The following ARHGAP27 variants were observed in gnomAD, a reference collection of about 807,000 sequenced individuals.
ARHGAP27 encodes the protein rho GTPase-activating protein 27.
ARHGAP27 carries 53 observed loss-of-function variants against 102.0 expected under a neutral mutation model. The observed-to-expected ratio is 0.52, with a 90% CI of 0.42 to 0.65. The LOEUF is 0.65. Ranked by LOEUF, ARHGAP27 falls within the 30% of genes least tolerant of loss-of-function variation. The pLI is 0.00. For synonymous variants in ARHGAP27, 525 were observed against 542.8 expected (o/e 0.97, Z 0.46); for missense variants, 1,117 against 1,256.2 (o/e 0.89, Z 1.68).
At position 45,427,472 on chromosome 17, in the gene ARHGAP27, G is replaced by A. The variant is rs926615219; in HGVS notation, c.657+2151C>T. 1.3e-5 allele frequency among the ~76,000 whole-genome samples: 2 copies of A among 152,354 alleles called. No individual in the cohort carries two copies. Among genetic ancestry groups the A allele is most frequent in the African/African-American group, 4.8e-5 (2 of 41,590 alleles). Reference sequence around the variant, plus strand: ...CTCACCAGGGCTTGGCAGGTATTCAGCTAGTTGATGCCTAATGAAGGAGTG... The same window carrying A: ...CTCACCAGGGCTTGGCAGGTATTCAACTAGTTGATGCCTAATGAAGGAGTG... On this transcript the variant is annotated intron_variant, in intron 4 of 19. Coordinates refer to ENST00000685559, the MANE Select transcript of ARHGAP27 (RefSeq NM_001282290.2). This position sits in a 1 kb window ranked among gnomAD's most constrained non-coding sequence, Gnocchi z 4.5.
chr17:45,406,743 T>C lies in ARHGAP27; in HGVS notation c.658-660A>G, dbSNP rs374028250. On this transcript the variant is annotated intron_variant, in intron 4 of 19. Transcript: ENST00000685559. ...ATCTTGGCTCACTGCAACCACCACC[T>C]CCTGGATTCAAGCTGCATTCTTACA... Among the ~76,000 whole-genome samples the C allele has an allele frequency of 1.7e-3, 265 of 152,098 alleles. 1 individual carries two copies. The highest frequency in any genetic ancestry group is 4.6e-3 in the South Asian group (22 of 4,806).
In ARHGAP27 at chr17:45,403,713, GGTGGGGGTGGGGAA is replaced by G. The variant is rs758478075; in HGVS notation, c.1548-18_1548-5del. On this transcript the variant is annotated splice_region_variant and splice_polypyrimidine_tract_variant and intron_variant, in intron 10 of 19. Transcript: ENST00000685559. ...GGAGGCACTCCAGTGCTTCTTCCTA[GGTGGGGGTGGGGAA>G]GTGGGGGTGGCAGGACTTAGATTTG... 63 of 1,609,836 alleles carry G rather than the reference GGTGGGGGTGGGGAA, an allele frequency of 3.9e-5. No homozygotes were observed. The highest frequency in any genetic ancestry group is 1.7e-4 in the Middle Eastern group (1 of 5,894).
intron 11 of ARHGAP27, among the ~76,000 whole-genome samples, chr17:45,403,401 A>C (rs907644676): frequency 3.9e-5 from 6 of 152,116 alleles, no homozygotes; most frequent in African/African-American, 1.4e-4. Flanking sequence ...CTCTACTAAA[A>C]ACACAAAAAT....
At position 45,406,001 on chromosome 17, in the gene ARHGAP27, A is replaced by AG. The variant is rs1450027258; in HGVS notation, c.739dup (p.Leu247ProfsTer34). The AG allele has an allele frequency of 2.0e-6, 3 of 1,535,156 alleles. No homozygotes were observed. The highest frequency in any genetic ancestry group is 2.6e-6 in the Non-Finnish European group (3 of 1,146,504). On this transcript the variant is annotated frameshift_variant, in exon 5 of 20. Transcript: ENST00000685559. LOFTEE classifies it high-confidence loss of function. ...GTGCGTCTCCCACACCGGGCTGGGA[A>AG]GGGGGGCTGCAGCGGCGCCCGGTGA... is the stretch of plus-strand genomic sequence containing the variant.
At position 45,395,798 on chromosome 17, in the gene ARHGAP27, G is replaced by A. The variant is rs1356214202; in HGVS notation, c.2438C>T (p.Ser813Leu). The change falls in exon 19 of 20, where the codon TCG becomes TTG. Residue 813 changes from serine to leucine, a missense_variant. Around this residue, in one of 3 missense-constraint regions of ARHGAP27, gnomAD observed 493 missense variants for 505.5 expected, o/e 0.98. Coordinates refer to ENST00000685559, the MANE Select transcript of ARHGAP27 (RefSeq NM_001282290.2). Reference protein sequence around the residue: ...RSRCVRDLVRSLPAPNHDTLR... With the variant: ...RSRCVRDLVRLLPAPNHDTLR... ...AGTGTCGTGGTTGGGAGCGGGCAGC[G>A]AGCGCACCAAGTCACGCACACAGCG... 6 of 1,606,194 alleles carry A rather than the reference G, an allele frequency of 3.7e-6. No individual in the cohort carries two copies. The highest frequency in any genetic ancestry group is 1.3e-5 in the African/African-American group (1 of 74,808).
chr17:45,405,493 C>T (rs1050346837), intron 5 of ARHGAP27, among the ~76,000 whole-genome samples, 183 bp downstream of exon 5: 3 of 151,870 alleles, frequency 2.0e-5, no homozygotes, highest in Non-Finnish European at 4.4e-5. Flanking sequence ...CCCACTCCAG[C>T]CCCGCCCTTC....
chr17:45,429,590 C>A (rs749491821), intron 4 of ARHGAP27, 33 bp downstream of exon 4: 2 of 1,575,028 alleles, frequency 1.3e-6, no homozygotes. Context: ...TAGCGCGCCA[C>A]CCGCCTCCGC....
chr17:45,416,030 T>TTG (rs1407435509), intron 4 of ARHGAP27, among the ~76,000 whole-genome samples: 2 of 146,828 alleles, frequency 1.4e-5, no homozygotes, highest in South Asian at 2.1e-4. Flanking sequence ...GCTGAAGTTT[T>TTG]TGTTTTTTTT....
chr17:45,423,366 T>C (rs2049233253), intron 4 of ARHGAP27, among the ~76,000 whole-genome samples: 1 of 148,750 alleles, frequency 6.7e-6, no homozygotes, highest in Non-Finnish European at 1.5e-5. Context: ...AGAAGGTGAG[T>C]AGAAACTTAA....
rs989205756 is a variant in ARHGAP27, at chr17:45,430,515, G to A, written c.-18-218C>T. Among the ~76,000 whole-genome samples, 4 of 152,198 alleles carry A rather than the reference G, an allele frequency of 2.6e-5. No homozygotes were observed. The highest frequency in any genetic ancestry group is 9.6e-5 in the African/African-American group (4 of 41,454). ...TGGAATTAGGACAGCCCTTCGTTCT[G>A]TGGGGTTGATTCTAAGATTTGACCC... On this transcript the variant is annotated intron_variant, in intron 3 of 19. Coordinates refer to ENST00000685559, the MANE Select transcript of ARHGAP27 (RefSeq NM_001282290.2). This position sits in a 1 kb window ranked among gnomAD's most constrained non-coding sequence, Gnocchi z 4.4.
chr17:45,429,643 G>T lies in ARHGAP27; in HGVS notation c.637C>A (p.Pro213Thr), dbSNP rs1312062904. The T allele has an allele frequency of 6.3e-7, 1 of 1,580,382 alleles. No homozygotes were observed. ...EVIQDLHVPPPEESAEQVDDP... is the reference protein window; with the variant it reads ...EVIQDLHVPPTEESAEQVDDP... ...GGTACCTGCTCTGCGCTCTCCTCCG[G>T]CGGCGGGACGTGCAAGTCCTGGATG... Residue 213 changes from proline (P) to threonine (T), a missense_variant, in exon 4 of 20, where the codon CCG becomes ACG. Physicochemically the swap from Pro to Thr is conservative, Grantham distance 38. Coordinates refer to ENST00000685559, the MANE Select transcript of ARHGAP27 (RefSeq NM_001282290.2).
chr17:45,424,855 G>T (rs1213327797), intron 4 of ARHGAP27, among the ~76,000 whole-genome samples: 1 of 152,234 alleles, frequency 6.6e-6, no homozygotes, highest in Admixed American at 6.5e-5. Context: ...GAGGTCAACT[G>T]CTGAGGCCTG....
At chr17:45,405,538 A>G (rs1397566902) in intron 5 of ARHGAP27, 138 bp downstream of exon 5, 2 of 1,181,394 alleles carry the variant, frequency 1.7e-6, no homozygotes, top group Non-Finnish European at 2.3e-6. Context: ...GAGCAGGAGA[A>G]GGGGTCAAAG....
chr17:45,432,687 C>T (rs2050145906), intron 1 of ARHGAP27, 65 bp downstream of exon 1: 4 of 148,496 alleles, frequency 2.7e-5, no homozygotes. Flanking sequence ...TTCCCCACCC[C>T]CACCCCACTT....
Position 45,430,225 on chromosome 17 carries a change from A to C in ARHGAP27, c.55T>G (p.Tyr19Asp). The change falls in exon 4 of 20, where the codon TAC becomes GAC. Residue 19 changes from tyrosine (Y) to aspartate (D), a missense_variant. Physicochemically the swap from Tyr to Asp is radical, Grantham distance 160 (BLOSUM62 -3). Around this residue, in one of 3 missense-constraint regions of ARHGAP27, gnomAD observed 610 missense variants for 716.4 expected, o/e 0.85. Coordinates refer to ENST00000685559, the MANE Select transcript of ARHGAP27 (RefSeq NM_001282290.2). This position sits in a 1 kb window ranked among gnomAD's most constrained non-coding sequence, Gnocchi z 4.4. ...VYVLVEHPFEYTGKDGRRVAI... is the reference protein window; with the variant it reads ...VYVLVEHPFEDTGKDGRRVAI... ...ACGCGGCGCCCGTCCTTGCCGGTGT[A>C]CTCGAAGGGGTGCTCCACCAGCACG... is the stretch of plus-strand genomic sequence containing the variant. The C allele has an allele frequency of 1.3e-6, 2 of 1,571,006 alleles. No homozygotes were observed. The highest frequency in any genetic ancestry group is 1.7e-6 in the Non-Finnish European group (2 of 1,166,676).
intron 4 of ARHGAP27, 121 bp downstream of exon 4, chr17:45,429,502 C>A (rs2049888462): frequency 2.0e-6 from 3 of 1,514,306 alleles, no homozygotes; most frequent in Non-Finnish European, 2.6e-6. Context: ...CCGAAGTCTT[C>A]GGACAGAGGT....
rs538756915 is a variant in ARHGAP27 at position 45,426,569 on chromosome 17, C to T, written c.657+3054G>A. On this transcript the variant is annotated intron_variant, in intron 4 of 19. Transcript: ENST00000685559. ...TGACAGAAGGGCATCCCCACACACT[C>T]CCCAGTGCCCCCGTGCCATGCCATC... is the stretch of plus-strand genomic sequence containing the variant. Among the ~76,000 whole-genome samples, 9 of 152,068 alleles carry T rather than the reference C, an allele frequency of 5.9e-5. No individual in the cohort carries two copies. The East Asian group carries it at 1.7e-3, about 29-fold the overall frequency.
chr17:45,405,931 C>A lies in ARHGAP27; in HGVS notation c.810G>T (p.Thr270=), dbSNP rs967914283. 2.0e-6 allele frequency: 3 copies of A among 1,535,902 alleles called. No individual in the cohort carries two copies. The highest frequency in any genetic ancestry group is 4.9e-5 in the East Asian group (2 of 40,898). Residue 270 remains threonine (T), a synonymous_variant, in exon 5 of 20, where the codon ACG becomes ACT. Transcript: ENST00000685559. ...TGRPYYYNPD[T]GVTTWESPFE... Reference sequence around the variant, plus strand: ...AGGGCGACTCCCAGGTGGTAACTCCCGTGTCTGGGTTGTAGTAGTAGGGGC... The same window carrying A: ...AGGGCGACTCCCAGGTGGTAACTCCAGTGTCTGGGTTGTAGTAGTAGGGGC...
rs927046445 is a variant in ARHGAP27, at chr17:45,403,919, C to A, written c.1547+110G>T. On this transcript the variant is annotated intron_variant, in intron 10 of 19. Transcript: ENST00000685559. Reference sequence around the variant, plus strand: ...GTGTCTCAGGGTCCACAGAGGACCACTCACGAAGTTGTTGTGAGGATTAAT... The same window carrying A: ...GTGTCTCAGGGTCCACAGAGGACCAATCACGAAGTTGTTGTGAGGATTAAT... 23 of 1,275,206 alleles carry A rather than the reference C, an allele frequency of 1.8e-5. No homozygotes were observed. In the African/African-American group the frequency reaches 3.1e-4, roughly 17 times the overall value. The allele number at this position is 1,275,206 out of a possible 1,614,324, so 79.0% of individuals were successfully genotyped here. A position where few individuals can be genotyped will look rare whatever the true frequency, so the allele number is the denominator to read the frequency against.
Sources: gnomAD v4.1 joint callset for allele counts (sites outside exome capture counted in the v4.1 genomes callset) on GRCh38, gnomAD v4.1.1 for gene constraint, gnomAD v4.1.1 regional missense constraint, Gnocchi (gnomAD v3.1) non-coding constraint, MANE v1.5 for transcripts, NCBI Gene and HGNC (gene_info 2026-07-23, HGNC 2026-07-21) for gene names.